MYO18A: variants seen among roughly 807,000 people sequenced by gnomAD.
The protein encoded by MYO18A is myosin XVIIIA.
A neutral mutation model predicts 235.8 loss-of-function variants in MYO18A; 78 were observed. That is an observed-to-expected ratio of 0.33 (90% CI 0.28 to 0.40). The LOEUF is 0.40. Ranked by LOEUF, MYO18A falls within the 10% of genes least tolerant of loss-of-function variation. The probability of loss-of-function intolerance (pLI) is 1.00; values close to 1 mark genes in which losing one functional copy is unlikely to be tolerated. For missense variants in MYO18A, 2,215 were observed against 2,699.3 expected, an observed-to-expected ratio of 0.82 and a Z score of 3.98; for synonymous variants, 977 against 1,077.8, an observed-to-expected ratio of 0.91 and a Z score of 1.83.
chr17:29,090,687 A>AC, intron 35 of MYO18A, 72 bp from the exon 36 acceptor site: 1 of 1,547,568 alleles, frequency 6.5e-7, no homozygotes, highest in Non-Finnish European at 8.9e-7. Flanking sequence ...CAGCTGGAAC[A>AC]CCAGGGGACC....
At position 29,073,740 on chromosome 17, in the gene MYO18A, G is replaced by A. The variant is rs1241370095; in HGVS notation, c.*1030C>T. 8.2e-6 allele frequency: 9 copies of A among 1,093,864 alleles called. No individual in the cohort carries two copies. The highest frequency in any genetic ancestry group is 2.4e-5 in the East Asian group (1 of 41,514). The allele number at this position is 1,093,864 out of a possible 1,614,324, so 67.8% of individuals were successfully genotyped here. ...ATGGTGTTGTGTCTGGGATAAGTGT[G>A]TGGGGGCAGGGAGGTTGGAAGAATG... is the stretch of plus-strand genomic sequence containing the variant. On this transcript the variant is annotated 3_prime_UTR_variant, in exon 42 of 42. Transcript: ENST00000527372.
intron 41 of MYO18A, chr17:29,080,217 G>A (rs1298560969): frequency 3.0e-6 from 3 of 986,002 alleles, no homozygotes; most frequent in Non-Finnish European, 3.6e-6. Flanking sequence ...CGGGCTCCAG[G>A]CTGCTCCGCT....
Position 29,111,169 on chromosome 17 carries a change from G to A in MYO18A, c.2900+255C>T, listed in dbSNP as rs941207026. Reference sequence around the variant, plus strand: ...CCGTGGGGCTGGGGGTTCTAAGGCCGCTCCTGCCTTCTTTGACTTGAGGGT... The same window carrying A: ...CCGTGGGGCTGGGGGTTCTAAGGCCACTCCTGCCTTCTTTGACTTGAGGGT... On this transcript the variant is annotated intron_variant, in intron 17 of 41. Transcript: ENST00000527372. This position sits in a 1 kb window ranked among gnomAD's most constrained non-coding sequence, Gnocchi z 5.1. Among the ~76,000 whole-genome samples the A allele has an allele frequency of 2.0e-5, 3 of 152,110 alleles. No homozygotes were observed. The highest frequency in any genetic ancestry group is 4.8e-5 in the African/African-American group (2 of 41,404).
At chr17:29,095,300 G>A (rs1043607524) in intron 28 of MYO18A, among the ~76,000 whole-genome samples, 21 of 152,192 alleles carry the variant, frequency 1.4e-4, no homozygotes, top group African/African-American at 5.1e-4. Context: ...TCACCAAGTA[G>A]GCCTAAGAGG....
In MYO18A at chr17:29,094,671, C is replaced by G; in HGVS notation, c.4689G>C (p.Gly1563=). Residue 1563 remains glycine, a synonymous_variant, in exon 30 of 42, where the codon GGG becomes GGC. Transcript: ENST00000527372. The part of the protein sequence containing the change: ...DQEEELDEQA[G]TIQMLEQAKL... The stretch of plus-strand genomic sequence containing the variant: ...GTACCTGTTCCAGCATCTGGATGGT[C>G]CCTGCCTGCTCATCCAGCTCTTCTT... 1 of 1,614,040 alleles carries G rather than the reference C, an allele frequency of 6.2e-7. No individual in the cohort carries two copies. Among genetic ancestry groups the G allele is most frequent in the Non-Finnish European group, 8.5e-7 (1 of 1,179,900 alleles).
rs924466298 is a variant in MYO18A, at chr17:29,106,677, C to T, written c.3441+403G>A. Among the ~76,000 whole-genome samples, 3 of 152,184 alleles carry T rather than the reference C, an allele frequency of 2.0e-5. No individual in the cohort carries two copies. Among genetic ancestry groups the T allele is most frequent in the Non-Finnish European group, 4.4e-5 (3 of 68,022 alleles). ...TGTTCACCTGGCACCACGGAGGTCT[C>T]ACCATATCCACCTTCCTTCTAGGAG... On this transcript the variant is annotated intron_variant, in intron 20 of 41. Coordinates refer to ENST00000527372, the MANE Select transcript of MYO18A (RefSeq NM_078471.4). The surrounding 1 kb of genome is among the most constrained non-coding windows in gnomAD (Gnocchi z 4.6).
At chr17:29,128,596 C>T in intron 2 of MYO18A, 1 of 1,169,246 alleles carries the variant, frequency 8.6e-7, no homozygotes, top group Non-Finnish European at 1.1e-6. Context: ...GCAGCCCTGC[C>T]CATCCCATGC....
chr17:29,110,331 G>A (rs186717794), intron 18 of MYO18A, 105 bp downstream of exon 18: 1 of 1,368,086 alleles, frequency 7.3e-7, no homozygotes, highest in East Asian at 2.5e-5. Context: ...GTGGGACGCT[G>A]AGTGGGCACC....
chr17:29,095,671 G>A (rs1393763261), intron 28 of MYO18A, among the ~76,000 whole-genome samples: 6 of 152,228 alleles, frequency 3.9e-5, no homozygotes, highest in Non-Finnish European at 4.4e-5. Flanking sequence ...CCACTTGCCA[G>A]CCTTCCATTT....
Position 29,166,332 on chromosome 17 carries a change from G to A in MYO18A, c.609C>T (p.Val203=). 6.2e-7 allele frequency: 1 copy of A among 1,612,592 alleles called. No homozygotes were observed. The highest frequency in any genetic ancestry group is 8.5e-7 in the Non-Finnish European group (1 of 1,179,872). ...APELVTKKFP[V]DLRLPPVVPL... ...GCACCACGGGGGGCAGGCGCAGGTC[G>A]ACTGGGAACTTTTTAGTCACTAGCT... Residue 203 remains valine, a synonymous_variant, in exon 2 of 42, where the codon GTC becomes GTT. Coordinates refer to ENST00000527372, the MANE Select transcript of MYO18A (RefSeq NM_078471.4).
chr17:29,080,861 G>C (rs2066103723), intron 41 of MYO18A: 1 of 985,242 alleles, frequency 1.0e-6, no homozygotes, highest in African/African-American at 1.7e-5. Context: ...GAGGCCGCCC[G>C]CTCGCTCAGG....
Position 29,104,471 on chromosome 17 carries a change from G to A in MYO18A, c.3442-807C>T, listed in dbSNP as rs541291701. Reference sequence around the variant, plus strand: ...AGTAGGGAATATAAGAGAAAGAGGCGGCTTGTGGGGAGAATGAGTTTGGTT... The same window carrying A: ...AGTAGGGAATATAAGAGAAAGAGGCAGCTTGTGGGGAGAATGAGTTTGGTT... On this transcript the variant is annotated intron_variant, in intron 20 of 41. Transcript: ENST00000527372. 1.4e-4 allele frequency among the ~76,000 whole-genome samples: 22 copies of A among 152,238 alleles called. No individual in the cohort carries two copies. In the South Asian group the frequency reaches 2.1e-3, roughly 14 times the overall value.
chr17:29,129,011 C>G, intron 2 of MYO18A: 1 of 1,278,362 alleles, frequency 7.8e-7, no homozygotes, highest in South Asian at 1.2e-5. Flanking sequence ...GTCCCACCTC[C>G]ATTCCTACCA....
At chr17:29,133,428 C>T (rs1003613440) in intron 2 of MYO18A, among the ~76,000 whole-genome samples, 1 of 152,222 alleles carries the variant, frequency 6.6e-6, no homozygotes, top group Non-Finnish European at 1.5e-5. Context: ...ACTGCAGCCC[C>T]CAGGATCAGG....
chr17:29,136,235 G>GAAAAAAAAA (rs1181249964), intron 2 of MYO18A, among the ~76,000 whole-genome samples: 7 of 105,306 alleles, frequency 6.6e-5, no homozygotes, highest in African/African-American at 2.2e-4. Context: ...CATCTCAAAA[G>GAAAAAAAAA]AAAAAAAAAA....
intron 23 of MYO18A, 78 bp downstream of exon 23, chr17:29,098,748 G>T (rs1367023901): frequency 5.1e-6 from 8 of 1,557,210 alleles, no homozygotes; most frequent in East Asian, 2.3e-5. Context: ...ACTAAACGAA[G>T]AAGCGCCTGG....
chr17:29,097,970 T>C (rs1236385726), intron 25 of MYO18A, 71 bp from the exon 26 acceptor site: 8 of 1,574,118 alleles, frequency 5.1e-6, no homozygotes, highest in African/African-American at 4.0e-5. Flanking sequence ...ACACAGACCA[T>C]GATCACATGC....
Position 29,092,337 on chromosome 17 carries a change from C to T in MYO18A, c.5187+6G>A, listed in dbSNP as rs1405164732. The T allele has an allele frequency of 6.2e-7, 1 of 1,606,960 alleles. No individual in the cohort carries two copies. The highest frequency in any genetic ancestry group is 1.7e-5 in the Admixed American group (1 of 59,876). ...GAGCTCTGCCCCGGGCACCTTGGCC[C>T]CTCACCGCTGTCTTGGCTTTGGCGA... On this transcript the variant is annotated splice_donor_region_variant and intron_variant, in intron 34 of 41. Transcript: ENST00000527372.
At chr17:29,091,675 C>T (rs1300769245) in intron 34 of MYO18A, 5 of 454,726 alleles carry the variant, frequency 1.1e-5, no homozygotes, top group African/African-American at 2.0e-5. Flanking sequence ...TAAATCAAGC[C>T]CGTGAGATTG....
Sources: allele counts gnomAD v4.1 joint callset (sites outside exome capture counted in the v4.1 genomes callset), GRCh38; gene constraint gnomAD v4.1.1; non-coding constraint Gnocchi (gnomAD v3.1); transcripts MANE v1.5; gene names NCBI Gene and HGNC (gene_info 2026-07-23, HGNC 2026-07-21).